DEDD: variants seen among roughly 807,000 people sequenced by gnomAD.
The protein encoded by DEDD is death effector domain-containing protein.
Under a neutral mutation model 29.2 loss-of-function variants are expected in DEDD, and 3 were observed. The ratio of observed to expected loss-of-function variants is 0.10; its 90% confidence interval spans 0.05 to 0.27. DEDD has a LOEUF of 0.27. Ranked by LOEUF, DEDD falls within the 10% of genes least tolerant of loss-of-function variation. The probability of loss-of-function intolerance (pLI) is 1.00; values close to 1 mark genes in which losing one functional copy is unlikely to be tolerated. For missense variants in DEDD, 261 were observed against 420.5 expected (o/e 0.62, Z 3.32); for synonymous variants, 152 against 161.3 (o/e 0.94, Z 0.44).
rs74124643 is a variant in DEDD at position 161,123,063 on chromosome 1, G to A, written c.580+12C>T. 954 of 1,614,130 alleles carry A rather than the reference G, an allele frequency of 5.9e-4. 5 individuals carry two copies. The African/African-American group carries it at 0.011, about 19-fold the overall frequency. On this transcript the variant is annotated intron_variant, in intron 5 of 5. Transcript: ENST00000368006. ...AGTCTGCTCCATCTCTGGAACCCTT[G>A]AACTTCCTCACCACATGTCTGCTTC...
rs937796246 is a variant in DEDD, at chr1:161,123,185, G to A, written c.470C>T (p.Ser157Leu). ...PHYPVVCCPT[S>L]GPQMCSKRPA... is the part of the protein sequence containing the mutation. ...CCGCTTGCTACACATCTGAGGACCC[G>A]AAGTGGGGCAACACACCACAGGATA... is the stretch of plus-strand genomic sequence containing the variant. Residue 157 changes from serine (S) to leucine (L), a missense_variant, in exon 5 of 6, where the codon TCG (serine) becomes TTG (leucine). This residue lies in a region of DEDD where 203 missense variants were observed against 268.7 expected (regional missense o/e 0.76). Coordinates refer to ENST00000368006, the MANE Select transcript of DEDD (RefSeq NM_032998.3). The A allele has an allele frequency of 5.0e-6, 8 of 1,614,174 alleles. No homozygotes were observed. The highest frequency in any genetic ancestry group is 1.7e-5 in the Admixed American group (1 of 60,016).
chr1:161,123,411 G>T (rs187556975), intron 4 of DEDD, among the ~76,000 whole-genome samples, 190 bp from the exon 5 acceptor site: 1 of 152,120 alleles, frequency 6.6e-6, no homozygotes. Flanking sequence ...AGGCCAAGGC[G>T]GGTGGATCAT....
chr1:161,122,402 G>A lies in DEDD; in HGVS notation c.702C>T (p.Thr234=). ...RQFERFNQAN[T]ILKSRDLGSI... ...AGCCCAGGTCCCGGGACTTGAGGAT[G>A]GTGTTGGCCTGGTTAAAGCGCTCAA... is the stretch of plus-strand genomic sequence containing the variant. Residue 234 remains threonine (T), a synonymous_variant, in exon 6 of 6, where the codon ACC becomes ACT. Transcript: ENST00000368006. The surrounding 1 kb of genome is among the most constrained non-coding windows in gnomAD (Gnocchi z 4.2). The A allele has an allele frequency of 6.2e-7, 1 of 1,614,220 alleles. No individual in the cohort carries two copies. The highest frequency in any genetic ancestry group is 8.5e-7 in the Non-Finnish European group (1 of 1,180,048).
Position 161,125,724 on chromosome 1 carries a change from A to T in DEDD, c.-64-1198T>A, listed in dbSNP as rs958622042. Among the ~76,000 whole-genome samples, 7 of 151,526 alleles carry T rather than the reference A, an allele frequency of 4.6e-5. No homozygotes were observed. The South Asian group carries it at 1.5e-3, about 32-fold the overall frequency. Reference sequence around the variant, plus strand: ...ACCATGATGGTCAGGCTGGTCTTGAACTCCTGACCTCAGGTGATCCACCCA... The same window carrying T: ...ACCATGATGGTCAGGCTGGTCTTGATCTCCTGACCTCAGGTGATCCACCCA... On this transcript the variant is annotated intron_variant, in intron 2 of 5. Transcript: ENST00000368006.
chr1:161,123,294 G>A (rs1220074289), intron 4 of DEDD, 73 bp from the exon 5 acceptor site: 7 of 1,409,122 alleles, frequency 5.0e-6, no homozygotes, highest in African/African-American at 2.8e-5. Flanking sequence ...GTTGGAATGA[G>A]GAAGGAATCA....
At chr1:161,128,717 T>G (rs1656386633) in intron 2 of DEDD, among the ~76,000 whole-genome samples, 1 of 151,894 alleles carries the variant, frequency 6.6e-6, no homozygotes, top group Admixed American at 6.6e-5. Flanking sequence ...TGGAGCATGG[T>G]AAAGGGTCAA....
rs542650718 is a variant in DEDD at position 161,130,211 on chromosome 1, T to C, written c.-65+604A>G. Among the ~76,000 whole-genome samples, 4 of 152,310 alleles carry C rather than the reference T, an allele frequency of 2.6e-5. No homozygotes were observed. In the South Asian group the frequency reaches 8.3e-4, roughly 32 times the overall value. The stretch of plus-strand genomic sequence containing the variant: ...TGTAATTTCATAGAATTAAGAGATA[T>C]CTGACTCTCTCAGAAGTCCTCAGAG... On this transcript the variant is annotated intron_variant, in intron 2 of 5. Transcript: ENST00000368006.
intron 2 of DEDD, among the ~76,000 whole-genome samples, chr1:161,128,557 C>A (rs923966862): frequency 6.6e-6 from 1 of 152,046 alleles, no homozygotes; most frequent in Non-Finnish European, 1.5e-5. Flanking sequence ...GATGTGATAG[C>A]GCCACTGCAG....
At position 161,122,606 on chromosome 1, in the gene DEDD, A is replaced by T. The variant is rs1427895326; in HGVS notation, c.581-83T>A. On this transcript the variant is annotated intron_variant, in intron 5 of 5. Transcript: ENST00000368006. This position sits in a 1 kb window ranked among gnomAD's most constrained non-coding sequence, Gnocchi z 4.2. ...GCCAAGCTTGAAAACTGAAAAGCAC[A>T]ACAGAATAAAAAAGTAGGGAATATC... 1.3e-6 allele frequency: 2 copies of T among 1,511,198 alleles called. No homozygotes were observed. Among genetic ancestry groups the T allele is most frequent in the African/African-American group, 2.8e-5 (2 of 71,612 alleles). 93.6% of individuals were successfully genotyped at this position (1,511,198 alleles called of 1,614,324 possible). A position where few individuals can be genotyped will look rare whatever the true frequency, so the allele number is the denominator to read the frequency against.
Position 161,122,140 on chromosome 1 carries a change from G to C in DEDD, c.*7C>G, listed in dbSNP as rs371313005. 1.2e-6 allele frequency: 2 copies of C among 1,612,092 alleles called. No homozygotes were observed. Among genetic ancestry groups the C allele is most frequent in the African/African-American group, 2.7e-5 (2 of 74,856 alleles). On this transcript the variant is annotated 3_prime_UTR_variant, in exon 6 of 6. Coordinates refer to ENST00000368006, the MANE Select transcript of DEDD (RefSeq NM_032998.3). The surrounding 1 kb of genome is among the most constrained non-coding windows in gnomAD (Gnocchi z 4.2). ...GAACAGTCCCCAAAGTGAGAAGAGG[G>C]AATAGGTCAGGGCAATGCTTGCAGC...
At chr1:161,127,403 A>G (rs1345049461) in intron 2 of DEDD, among the ~76,000 whole-genome samples, 1 of 152,238 alleles carries the variant, frequency 6.6e-6, no homozygotes, top group Non-Finnish European at 1.5e-5. Context: ...AAACAATAAA[A>G]TAATAAGCTT....
intron 2 of DEDD, among the ~76,000 whole-genome samples, chr1:161,126,343 C>CTTT (rs538174697): frequency 6.8e-5 from 9 of 132,498 alleles, no homozygotes; most frequent in South Asian, 2.4e-4. Flanking sequence ...ACTCCAAACT[C>CTTT]TTTTTTTTTT....
chr1:161,129,914 C>T (rs1656530198), intron 2 of DEDD, among the ~76,000 whole-genome samples: 1 of 152,184 alleles, frequency 6.6e-6, no homozygotes, highest in African/African-American at 2.4e-5. Context: ...TGTTGTATTT[C>T]CTGGAGTTTT....
In DEDD at chr1:161,123,119, C is replaced by T. The variant is rs923468936; in HGVS notation, c.536G>A (p.Arg179His). The part of the protein sequence containing the change: ...GRATLGSQRK[R>H]RKSVTPDPKE... ...GGGATCTGGTGTCACTGACTTCCGG[C>T]GTTTTCGCTGGCTCCCAAGTGTGGC... The change falls in exon 5 of 6, where the codon CGC (arginine) becomes CAC (histidine). Residue 179 changes from arginine to histidine, a missense_variant. Around this residue, in one of 2 missense-constraint regions of DEDD, gnomAD observed 203 missense variants for 268.7 expected, o/e 0.76. Coordinates refer to ENST00000368006, the MANE Select transcript of DEDD (RefSeq NM_032998.3). 8 of 1,614,188 alleles carry T rather than the reference C, an allele frequency of 5.0e-6. No individual in the cohort carries two copies. The highest frequency in any genetic ancestry group is 2.7e-5 in the African/African-American group (2 of 75,042).
In DEDD at chr1:161,122,170, A is replaced by G; in HGVS notation, c.934T>C (p.Leu312=). ...GGTCAGGGCAATGCTTGCAGCATCA[A>G]GTTCCTCAGGAGTTTCTGTCGGCCC... ...ELGRQKLLRN[L]MLQALP Residue 312 remains leucine, a synonymous_variant, in exon 6 of 6, where the codon TTG becomes CTG. Transcript: ENST00000368006. The surrounding 1 kb of genome is among the most constrained non-coding windows in gnomAD (Gnocchi z 4.2). The G allele has an allele frequency of 6.2e-7, 1 of 1,613,672 alleles. No homozygotes were observed. Among genetic ancestry groups the G allele is most frequent in the South Asian group, 1.1e-5 (1 of 91,050 alleles).
At chr1:161,124,093 C>T (rs765160728) in intron 3 of DEDD, 45 bp downstream of exon 3, 46 of 1,587,378 alleles carry the variant, frequency 2.9e-5, no homozygotes, top group Non-Finnish European at 3.8e-5. Context: ...TCCTTCCTGG[C>T]CTCCCACAAC....
Position 161,124,208 on chromosome 1 carries a change from C to T in DEDD, c.255G>A (p.Val85=). ...GAGTGATGATGCGCAGCAGCTGCAG[C>T]ACCTGGCGAAAGTTACTTTCATCAC... The part of the protein sequence containing the change: ...GRCDESNFRQ[V]LQLLRIITRH... Residue 85 remains valine (V), a synonymous_variant, in exon 3 of 6, where the codon GTG becomes GTA. Transcript: ENST00000368006. 6.2e-7 allele frequency: 1 copy of T among 1,614,216 alleles called. No individual in the cohort carries two copies. The highest frequency in any genetic ancestry group is 1.1e-5 in the South Asian group (1 of 91,090).
At position 161,132,540 on chromosome 1, in the gene DEDD, C is replaced by G. The variant is rs1276794549; in HGVS notation, c.-98+11G>C. On this transcript the variant is annotated intron_variant, in intron 1 of 5. Transcript: ENST00000368006. ...CTCCCTCTCCCCACTCCGGCCGCCC[C>G]TCCGCCTCACTCTCGGCTCAGGCTC... 2 of 154,388 alleles carry G rather than the reference C, an allele frequency of 1.3e-5. No individual in the cohort carries two copies. Among genetic ancestry groups the G allele is most frequent in the Non-Finnish European group, 2.9e-5 (2 of 68,878 alleles). 9.6% of individuals were successfully genotyped at this position (154,388 alleles called of 1,614,324 possible).
rs1655687123 is a variant in DEDD, at chr1:161,122,961, A to G, written c.580+114T>C. The stretch of plus-strand genomic sequence containing the variant: ...ACCAAACCATTCAGCCTCACTTTGC[A>G]ATGGCAATCAAAGTGAATCTCACAC... On this transcript the variant is annotated intron_variant, in intron 5 of 5. Coordinates refer to ENST00000368006, the MANE Select transcript of DEDD (RefSeq NM_032998.3). This position sits in a 1 kb window ranked among gnomAD's most constrained non-coding sequence, Gnocchi z 4.2. The G allele has an allele frequency of 6.3e-7, 1 of 1,593,100 alleles. No individual in the cohort carries two copies. The highest frequency in any genetic ancestry group is 8.6e-7 in the Non-Finnish European group (1 of 1,160,938).
Sources: gnomAD v4.1 joint callset for allele counts (sites outside exome capture counted in the v4.1 genomes callset) on GRCh38, gnomAD v4.1.1 for gene constraint, gnomAD v4.1.1 regional missense constraint, Gnocchi (gnomAD v3.1) non-coding constraint, MANE v1.5 for transcripts, NCBI Gene and HGNC (gene_info 2026-07-23, HGNC 2026-07-21) for gene names.